AHI1: variants seen among roughly 807,000 people sequenced by gnomAD.
AHI1 encodes Abelson helper integration site 1, also known as jouberin.
AHI1 carries 123 observed loss-of-function variants against 149.3 expected under a neutral mutation model. The observed-to-expected ratio is 0.82, with a 90% CI of 0.71 to 0.96. The LOEUF (loss-of-function observed/expected upper bound fraction) is 0.96. AHI1 is among the 40% of genes least tolerant of loss of function. AHI1 has a pLI of 0.00. For synonymous variants in AHI1, 475 were observed against 459.8 expected (o/e 1.03, Z -0.42); for missense variants, 1,439 against 1,422.7 (o/e 1.01, Z -0.18).
chr6:135,413,528 G>C (rs1442502824), intron 20 of AHI1, among the ~76,000 whole-genome samples: 1 of 151,664 alleles, frequency 6.6e-6, no homozygotes, highest in Non-Finnish European at 1.5e-5. Flanking sequence ...TAGAGCTAAA[G>C]TGGAGTAAGG....
chr6:135,433,682 G>T (rs1256156140), intron 15 of AHI1, among the ~76,000 whole-genome samples: 5 of 151,916 alleles, frequency 3.3e-5, no homozygotes, highest in African/African-American at 1.2e-4. Flanking sequence ...ATTAATGGGG[G>T]TTTAGAGAAT....
chr6:135,382,207 C>T (rs922882772), intron 23 of AHI1, among the ~76,000 whole-genome samples: 38 of 152,164 alleles, frequency 2.5e-4, no homozygotes, highest in Admixed American at 1.4e-3. Flanking sequence ...TGACCAGTCA[C>T]GCATATAGTC....
intron 7 of AHI1, among the ~76,000 whole-genome samples, chr6:135,463,579 T>C (rs1790271455): frequency 6.6e-6 from 1 of 152,164 alleles, no homozygotes; most frequent in Admixed American, 6.5e-5. Context: ...ATTAATATTT[T>C]ATGAGCAATT....
intron 25 of AHI1, among the ~76,000 whole-genome samples, chr6:135,319,101 T>A (rs1786415902): frequency 6.6e-6 from 1 of 152,174 alleles, no homozygotes; most frequent in South Asian, 2.1e-4. Context: ...AACTCTGATG[T>A]GGGGATGGAA....
intron 5 of AHI1, among the ~76,000 whole-genome samples, chr6:135,469,568 T>C (rs576933534): frequency 4.0e-4 from 61 of 152,176 alleles, no homozygotes; most frequent in Admixed American, 1.1e-3. Flanking sequence ...ACTACCTGAC[T>C]TCGAACTATA....
Position 135,463,272 on chromosome 6 carries a change from C to A in AHI1, c.784G>T (p.Glu262Ter). 1 of 1,609,804 alleles carries A rather than the reference C, an allele frequency of 6.2e-7. No individual in the cohort carries two copies. The highest frequency in any genetic ancestry group is 1.1e-5 in the South Asian group (1 of 90,558). The change falls in exon 8 of 29, where the codon GAA (glutamate) becomes TAA (stop). Residue 262 changes from glutamate to a stop codon, truncating the protein, a stop_gained. Transcript: ENST00000265602. LOFTEE classifies it high-confidence loss of function. ...LTISGDTVEGEQKKESSVRSV... is the reference protein window; with the variant it reads ...LTISGDTVEG The stretch of plus-strand genomic sequence containing the variant: ...CTAACTGAAGATTCTTTCTTTTGTT[C>A]ACCTTCAACTGTGTCACCAGAGATG...
At chr6:135,375,823 A>T (rs1775829383) in intron 23 of AHI1, among the ~76,000 whole-genome samples, 1 of 152,208 alleles carries the variant, frequency 6.6e-6, no homozygotes, top group Non-Finnish European at 1.5e-5. Context: ...TCTAAATTGC[A>T]TTACCTACTA....
rs1216027859 is a variant in AHI1, at chr6:135,466,239, A to C, written c.324T>G (p.Thr108=). 6.2e-7 allele frequency: 1 copy of C among 1,613,878 alleles called. No homozygotes were observed. The highest frequency in any genetic ancestry group is 8.5e-7 in the Non-Finnish European group (1 of 1,179,856). Residue 108 remains threonine, a synonymous_variant, in exon 7 of 29, where the codon ACT becomes ACG. Coordinates refer to ENST00000265602, the MANE Select transcript of AHI1 (RefSeq NM_001134831.2). The part of the protein sequence containing the change: ...KNKLRNTQLA[T]ENPNGDASVE... ...CACTAGCATCACCATTAGGATTTTC[A>C]GTTGCTAACTGTGTGTTCCTCAATT...
intron 23 of AHI1, among the ~76,000 whole-genome samples, chr6:135,381,159 A>G (rs1404559303): frequency 6.6e-6 from 1 of 152,112 alleles, no homozygotes; most frequent in East Asian, 1.9e-4. Context: ...AGATAACATT[A>G]TGCCTCATAA....
rs939330475 is a variant in AHI1 at position 135,492,421 on chromosome 6, C to T, written c.-54-130G>A. 1.2e-5 allele frequency: 16 copies of T among 1,293,634 alleles called. No individual in the cohort carries two copies. The Middle Eastern group carries it at 8.0e-4, about 65-fold the overall frequency. The allele number at this position is 1,293,634 out of a possible 1,614,324, so 80.1% of individuals were successfully genotyped here. A position where few individuals can be genotyped will look rare whatever the true frequency, so the allele number is the denominator to read the frequency against. ...AGTTTATACCAATAAAGCTATGTTC[C>T]CTTAACCCAATCTTATGCAAATGAC... On this transcript the variant is annotated intron_variant, in intron 3 of 28. Coordinates refer to ENST00000265602, the MANE Select transcript of AHI1 (RefSeq NM_001134831.2).
At chr6:135,458,569 C>T (rs986361226) in intron 8 of AHI1, among the ~76,000 whole-genome samples, 4 of 152,118 alleles carry the variant, frequency 2.6e-5, no homozygotes, top group Non-Finnish European at 4.4e-5. Flanking sequence ...ACACTAAGGA[C>T]CAAGAGCAAC....
chr6:135,466,699 C>A (rs905585749), intron 6 of AHI1, among the ~76,000 whole-genome samples: 2 of 152,172 alleles, frequency 1.3e-5, no homozygotes, highest in African/African-American at 4.8e-5. Flanking sequence ...ATGATCTACA[C>A]TCTAATAGAT....
intron 5 of AHI1, among the ~76,000 whole-genome samples, chr6:135,487,375 A>G (rs1284912672): frequency 6.6e-6 from 1 of 152,176 alleles, no homozygotes; most frequent in Non-Finnish European, 1.5e-5. Flanking sequence ...CAATCTTTGA[A>G]AACAATTTGG....
chr6:135,420,662 G>A (rs148011835), intron 20 of AHI1, among the ~76,000 whole-genome samples: 10 of 152,252 alleles, frequency 6.6e-5, no homozygotes, highest in African/African-American at 1.9e-4. Context: ...AGCCTTCACA[G>A]ACTTTAAGAG....
chr6:135,495,665 T>G (rs1311272589), intron 3 of AHI1, 149 bp downstream of exon 3: 2 of 152,164 alleles, frequency 1.3e-5, no homozygotes, highest in Non-Finnish European at 2.9e-5. Context: ...AACTGCTAGC[T>G]TTGGAGGACC....
chr6:135,388,924 A>G (rs1778013406), intron 23 of AHI1, among the ~76,000 whole-genome samples: 1 of 151,926 alleles, frequency 6.6e-6, no homozygotes, highest in Admixed American at 6.6e-5. Flanking sequence ...AGGCACGAGT[A>G]TCACTGGAAT....
At chr6:135,288,010 A>C (rs930902886) in intron 28 of AHI1, among the ~76,000 whole-genome samples, 2 of 151,938 alleles carry the variant, frequency 1.3e-5, no homozygotes, top group African/African-American at 4.8e-5. Flanking sequence ...CAGGAGAATC[A>C]CTTGAATCCA....
At chr6:135,387,821 T>C in intron 23 of AHI1, 1 of 1,384,108 alleles carries the variant, frequency 7.2e-7, no homozygotes, top group South Asian at 2.1e-5. Context: ...ATTTTATGAG[T>C]TTCAAAGTAT....
chr6:135,469,829 A>G (rs976888054), intron 5 of AHI1, among the ~76,000 whole-genome samples: 1 of 152,196 alleles, frequency 6.6e-6, no homozygotes, highest in Non-Finnish European at 1.5e-5. Flanking sequence ...GATAACTTAA[A>G]CACTTAAATG....
Sources: allele counts gnomAD v4.1 joint callset (sites outside exome capture counted in the v4.1 genomes callset), GRCh38; gene constraint gnomAD v4.1.1; transcripts MANE v1.5; gene names NCBI Gene and HGNC (gene_info 2026-07-23, HGNC 2026-07-21).